The following THEM4 variants were observed in gnomAD, a reference collection of about 807,000 sequenced individuals.
THEM4 encodes acyl-coenzyme A thioesterase THEM4.
Under a neutral mutation model 25.0 loss-of-function variants are expected in THEM4, and 22 were observed. The observed-to-expected ratio is 0.88, with a 90% CI of 0.63 to 1.26. The LOEUF (loss-of-function observed/expected upper bound fraction) is 1.26. Ranked by LOEUF, THEM4 falls within the 50% of genes most tolerant of loss-of-function variation. The pLI is 0.00. For synonymous variants in THEM4, 113 were observed against 105.6 expected (o/e 1.07, Z -0.43); for missense variants, 286 against 300.3 (o/e 0.95, Z 0.35).
At chr1:151,890,447 T>A (rs1023997687) in intron 2 of THEM4, 1 of 205,086 alleles carries the variant, frequency 4.9e-6, no homozygotes, top group Non-Finnish European at 1.1e-5. Context: ...CTACTCACCT[T>A]TCTTTCATAG....
At chr1:151,887,985 A>G (rs908357562) in intron 4 of THEM4, among the ~76,000 whole-genome samples, 1 of 152,162 alleles carries the variant, frequency 6.6e-6, no homozygotes, top group African/African-American at 2.4e-5. Flanking sequence ...GAGAGTATAA[A>G]GACTCTAGCT....
Position 151,873,447 on chromosome 1 carries a change from C to A in THEM4, c.*1441G>T, listed in dbSNP as rs932322794. 4 of 152,180 alleles carry A rather than the reference C, an allele frequency of 2.6e-5. No homozygotes were observed. The highest frequency in any genetic ancestry group is 9.7e-5 in the African/African-American group (4 of 41,432). The allele number at this position is 152,180 out of a possible 1,614,324, so 9.4% of individuals were successfully genotyped here. ...CTTATTTCTTTTCTCAGTCTCTCAT[C>A]CCACCTGATGAGAAACACCCACAGG... is the stretch of plus-strand genomic sequence containing the variant. On this transcript the variant is annotated 3_prime_UTR_variant, in exon 6 of 6. Transcript: ENST00000368814.
chr1:151,892,002 C>T (rs1173600851), intron 2 of THEM4, among the ~76,000 whole-genome samples: 2 of 152,024 alleles, frequency 1.3e-5, no homozygotes, highest in Non-Finnish European at 2.9e-5. Flanking sequence ...GTCACCCAGG[C>T]TTGTCTCAAA....
intron 1 of THEM4, among the ~76,000 whole-genome samples, chr1:151,900,277 AC>A (rs1337201899): frequency 2.0e-5 from 3 of 152,038 alleles, no homozygotes; most frequent in Admixed American, 2.0e-4. Context: ...AATAAAAAAA[AC>A]CCCACAGTAC....
chr1:151,873,763 T>G lies in THEM4; in HGVS notation c.*1125A>C, dbSNP rs1275915741. 1.3e-5 allele frequency: 2 copies of G among 152,140 alleles called. No homozygotes were observed. The highest frequency in any genetic ancestry group is 6.5e-5 in the Admixed American group (1 of 15,270). The allele number at this position is 152,140 out of a possible 1,614,324, so 9.4% of individuals were successfully genotyped here. On this transcript the variant is annotated 3_prime_UTR_variant, in exon 6 of 6. Transcript: ENST00000368814. ...GTGGAGACACACAGAGGGAATGCCA[T>G]GTGAAGATGGAGGACTGGAATGATG...
intron 1 of THEM4, among the ~76,000 whole-genome samples, chr1:151,900,308 A>G (rs1396859893): frequency 1.3e-5 from 2 of 152,224 alleles, no homozygotes; most frequent in Non-Finnish European, 2.9e-5. Flanking sequence ...AAAGAGTACA[A>G]TGAACACAAT....
chr1:151,905,336 C>T (rs1000590339), intron 1 of THEM4, among the ~76,000 whole-genome samples: 1 of 152,070 alleles, frequency 6.6e-6, no homozygotes, highest in African/African-American at 2.4e-5. Context: ...TTATTCTCAC[C>T]CTTCTGTGTC....
intron 1 of THEM4, among the ~76,000 whole-genome samples, chr1:151,899,363 C>CGAGT: frequency 6.6e-6 from 1 of 151,802 alleles, no homozygotes; most frequent in Non-Finnish European, 1.5e-5. Context: ...TGGTGGCACA[C>CGAGT]GCCTGTAGTT....
chr1:151,882,717 T>C (rs1164202429), intron 4 of THEM4, among the ~76,000 whole-genome samples: 1 of 152,214 alleles, frequency 6.6e-6, no homozygotes, highest in Non-Finnish European at 1.5e-5. Flanking sequence ...ACTAATTTAG[T>C]GTTTTTAGTA....
chr1:151,906,527 C>T (rs1332742178), intron 1 of THEM4, among the ~76,000 whole-genome samples: 1 of 152,252 alleles, frequency 6.6e-6, no homozygotes, highest in Non-Finnish European at 1.5e-5. Flanking sequence ...TGTGGGCACA[C>T]AGCGTGGGAC....
Position 151,871,682 on chromosome 1 carries a change from G to T in THEM4, c.*3206C>A, listed in dbSNP as rs1653556750. ...ATCTAACCTGGATGTGAGCAAACCA[G>T]TGTAAGAAATGAAACTGTAAAGGGA... On this transcript the variant is annotated 3_prime_UTR_variant, in exon 6 of 6. Coordinates refer to ENST00000368814, the MANE Select transcript of THEM4 (RefSeq NM_053055.5). Among the ~76,000 whole-genome samples the T allele has an allele frequency of 6.6e-6, 1 of 152,032 alleles. No homozygotes were observed. Among genetic ancestry groups the T allele is most frequent in the Non-Finnish European group, 1.5e-5 (1 of 68,038 alleles).
At chr1:151,889,116 C>T in intron 3 of THEM4, 98 bp downstream of exon 3, 1 of 875,978 alleles carries the variant, frequency 1.1e-6, no homozygotes, top group Non-Finnish European at 1.7e-6. Flanking sequence ...ATCTATGTGA[C>T]CATTTGAAAA....
intron 4 of THEM4, among the ~76,000 whole-genome samples, chr1:151,882,968 G>C (rs1193678291): frequency 4.6e-5 from 7 of 151,936 alleles, no homozygotes; most frequent in African/African-American, 1.7e-4. Context: ...TGCATGGCTG[G>C]GGAGGCTTCA....
chr1:151,875,095 T>C (rs1653645068), intron 5 of THEM4, among the ~76,000 whole-genome samples, 167 bp from the exon 6 acceptor site: 1 of 152,250 alleles, frequency 6.6e-6, no homozygotes, highest in African/African-American at 2.4e-5. Flanking sequence ...AGCTTTTGAC[T>C]ATCACAATAC....
At chr1:151,898,637 A>G (rs1389528919) in intron 1 of THEM4, among the ~76,000 whole-genome samples, 31 of 152,244 alleles carry the variant, frequency 2.0e-4, no homozygotes. Context: ...AACCAGCACA[A>G]AAGTAGAGCA....
At chr1:151,884,714 A>G (rs1257636673) in intron 4 of THEM4, among the ~76,000 whole-genome samples, 1 of 144,674 alleles carries the variant, frequency 6.9e-6, no homozygotes, top group Admixed American at 7.1e-5. Flanking sequence ...TTTGAGATGG[A>G]GTCTCACTCT....
rs887554749 is a variant in THEM4, at chr1:151,877,245, G to T, written c.558-120C>A. 3 of 989,222 alleles carry T rather than the reference G, an allele frequency of 3.0e-6. No individual in the cohort carries two copies. In the African/African-American group the frequency reaches 4.9e-5, roughly 16 times the overall value. 61.3% of individuals were successfully genotyped at this position (989,222 alleles called of 1,614,324 possible). A position where few individuals can be genotyped will look rare whatever the true frequency, so the allele number is the denominator to read the frequency against. The stretch of plus-strand genomic sequence containing the variant: ...ATGACACCTGACAACAATGAGCACT[G>T]ACTGCCTTAGACAATACATTCCTCA... On this transcript the variant is annotated intron_variant, in intron 4 of 5. Transcript: ENST00000368814.
At chr1:151,894,819 T>G (rs1654182469) in intron 2 of THEM4, 189 bp downstream of exon 2, 3 of 666,040 alleles carry the variant, frequency 4.5e-6, no homozygotes, top group Non-Finnish European at 7.7e-6. Context: ...GTCTTATTCT[T>G]GACAATAGGC....
intron 2 of THEM4, chr1:151,890,090 G>T: frequency 5.4e-6 from 2 of 368,868 alleles, no homozygotes; most frequent in South Asian, 1.9e-5. Context: ...ATTTTTAGTA[G>T]AGACGGGGTT....
Sources: gnomAD v4.1 joint callset for allele counts (sites outside exome capture counted in the v4.1 genomes callset) on GRCh38, gnomAD v4.1.1 for gene constraint, MANE v1.5 for transcripts, NCBI Gene and HGNC (gene_info 2026-07-23, HGNC 2026-07-21) for gene names.